Variants in RGPD2 observed in about 807,000 individuals in gnomAD.
The protein encoded by RGPD2 is RANBP2-like and GRIP domain-containing protein 2.
A neutral mutation model predicts 36.0 loss-of-function variants in RGPD2; 2 were observed. The ratio of observed to expected loss-of-function variants is 0.06; its 90% CI spans 0.02 to 0.17. The LOEUF is 0.17. RGPD2 is among the 10% of genes least tolerant of loss of function. The probability of loss-of-function intolerance (pLI) is 1.00; values close to 1 mark genes in which losing one functional copy is unlikely to be tolerated. For synonymous variants in RGPD2, 19 were observed against 163.8 expected (o/e 0.12, Z 6.75); for missense variants, 40 against 464.3 (o/e 0.09, Z 8.40).
At chr2:87,972,771 A>G in the RGPD2 span, 2 of 1,611,610 alleles carry the variant, frequency 1.2e-6, no homozygotes, top group Non-Finnish European at 1.7e-6. Flanking sequence ...TACCTCTGTG[A>G]GAGTGGTCAC....
the RGPD2 span, among the ~76,000 whole-genome samples, chr2:87,911,912 G>A: frequency 1.3e-5 from 2 of 151,282 alleles, no homozygotes; most frequent in Non-Finnish European, 1.5e-5. Context: ...GCATGGTGCA[G>A]TTAGGCCAAG....
the RGPD2 span, among the ~76,000 whole-genome samples, chr2:87,984,918 A>G: frequency 1.5e-5 from 2 of 131,020 alleles, no homozygotes; most frequent in East Asian, 2.3e-4. Flanking sequence ...CGACAGAGCA[A>G]CATTCTGTCT....
At chr2:87,841,369 G>A in the RGPD2 span, among the ~76,000 whole-genome samples, 11 of 152,204 alleles carry the variant, frequency 7.2e-5, no homozygotes, top group Admixed American at 6.5e-4. Flanking sequence ...AGAACCCTGA[G>A]TCAATTAAAC....
the RGPD2 span, among the ~76,000 whole-genome samples, chr2:87,910,576 A>G: frequency 6.6e-6 from 1 of 152,236 alleles, no homozygotes; most frequent in Non-Finnish European, 1.5e-5. Context: ...TTCATTCAAC[A>G]AATACAGCTG....
chr2:87,983,262 G>A, the RGPD2 span, among the ~76,000 whole-genome samples: 1 of 152,234 alleles, frequency 6.6e-6, no homozygotes, highest in Non-Finnish European at 1.5e-5. Context: ...AGAGGTTGTA[G>A]TGAGCCAGGA....
chr2:87,931,002 AT>A, the RGPD2 span, among the ~76,000 whole-genome samples: 323 of 56,016 alleles, frequency 5.8e-3, 3 homozygotes, highest in African/African-American at 0.023. Flanking sequence ...TATTTCATTA[AT>A]TTTTTTTTTC....
chr2:87,971,819 T>C, the RGPD2 span, among the ~76,000 whole-genome samples: 1 of 152,146 alleles, frequency 6.6e-6, no homozygotes, highest in African/African-American at 2.4e-5. Context: ...AAATATAAAA[T>C]CATTTACAAT....
chr2:87,758,470 TCTC>T (rs1438440809), intron 22 of RGPD2, among the ~76,000 whole-genome samples: 3 of 101,734 alleles, frequency 2.9e-5, no homozygotes, highest in Admixed American at 1.2e-4. Context: ...CCTTTATATT[TCTC>T]CTGACTGTGC....
At chr2:87,956,385 T>TTA in the RGPD2 span, among the ~76,000 whole-genome samples, 1 of 151,918 alleles carries the variant, frequency 6.6e-6, no homozygotes, top group Non-Finnish European at 1.5e-5. Flanking sequence ...TACATATATT[T>TTA]TATATATATG....
chr2:87,879,404 T>A, the RGPD2 span, among the ~76,000 whole-genome samples: 3 of 152,082 alleles, frequency 2.0e-5, no homozygotes, highest in Middle Eastern at 3.4e-3. Context: ...TCTTTCTATT[T>A]TTTTTTCTTT....
the RGPD2 span, among the ~76,000 whole-genome samples, chr2:87,972,124 A>G: frequency 1.3e-5 from 2 of 152,226 alleles, no homozygotes; most frequent in African/African-American, 4.8e-5. Context: ...TCTACCAGAA[A>G]TATGGAGGTG....
the RGPD2 span, among the ~76,000 whole-genome samples, chr2:87,961,835 C>T: frequency 6.6e-6 from 1 of 151,458 alleles, no homozygotes; most frequent in Admixed American, 6.6e-5. Context: ...TGGACCCAGG[C>T]AGTTCAAACC....
chr2:87,932,792 G>T, the RGPD2 span, among the ~76,000 whole-genome samples: 1 of 151,878 alleles, frequency 6.6e-6, no homozygotes, highest in Non-Finnish European at 1.5e-5. Context: ...ATTCCTTCTG[G>T]TTTATAGAGC....
At chr2:87,832,513 C>T in the RGPD2 span, among the ~76,000 whole-genome samples, 1 of 150,046 alleles carries the variant, frequency 6.7e-6, no homozygotes, top group Non-Finnish European at 1.5e-5. Context: ...AATATCAGAC[C>T]ATGTTGAAAG....
At chr2:87,875,227 C>T in the RGPD2 span, among the ~76,000 whole-genome samples, 2 of 152,124 alleles carry the variant, frequency 1.3e-5, no homozygotes, top group Non-Finnish European at 2.9e-5. Context: ...CTGGTCAGAA[C>T]TTCCAATACC....
chr2:87,905,224 G>C, the RGPD2 span, among the ~76,000 whole-genome samples: 1 of 152,256 alleles, frequency 6.6e-6, no homozygotes, highest in South Asian at 2.1e-4. Flanking sequence ...ATTTCAGTGT[G>C]CGCTGTCACA....
rs1470054397 is a variant in RGPD2 at position 87,762,285 on chromosome 2, G to A, written c.5237-4859C>T. ...AAGCTGTGAGTGGTGGCTCATGCCT[G>A]TAATCCCAGCACTTTGATCTGAGAC... On this transcript the variant is annotated intron_variant, in intron 22 of 22. Coordinates refer to ENST00000398146, the MANE Select transcript of RGPD2 (RefSeq NM_001078170.3). 5.5e-5 allele frequency among the ~76,000 whole-genome samples: 5 copies of A among 91,150 alleles called. 1 individual carries two copies. The highest frequency in any genetic ancestry group is 9.7e-5 in the Non-Finnish European group (5 of 51,780). The allele number at this position is 91,150 out of a possible 152,430, so 59.8% of individuals were successfully genotyped here.
chr2:87,897,638 C>A, the RGPD2 span, among the ~76,000 whole-genome samples: 5 of 151,018 alleles, frequency 3.3e-5, no homozygotes, highest in African/African-American at 4.9e-5. Flanking sequence ...ACAGTCTCCC[C>A]CAACTGGCCC....
At chr2:87,933,493 G>A in the RGPD2 span, among the ~76,000 whole-genome samples, 3 of 148,036 alleles carry the variant, frequency 2.0e-5, no homozygotes, top group South Asian at 2.1e-4. Flanking sequence ...TCTCATTGGG[G>A]AAACAATCAG....
Sources: allele counts gnomAD v4.1 joint callset (sites outside exome capture counted in the v4.1 genomes callset), GRCh38; gene constraint gnomAD v4.1.1; transcripts MANE v1.5; gene names NCBI Gene and HGNC (gene_info 2026-07-23, HGNC 2026-07-21).